CDKL3: variants seen among roughly 807,000 people sequenced by gnomAD.
CDKL3 encodes the protein cyclin-dependent kinase-like 3.
CDKL3 carries 65 observed loss-of-function variants against 69.3 expected under a neutral mutation model. The observed-to-expected ratio is 0.94, with a 90% CI of 0.77 to 1.15. The LOEUF (loss-of-function observed/expected upper bound fraction) is 1.15. Ranked by LOEUF, CDKL3 falls within the 50% of genes most tolerant of loss-of-function variation. CDKL3 has a pLI of 0.00. For missense variants in CDKL3, 652 were observed against 689.2 expected (o/e 0.95, Z 0.61); for synonymous variants, 202 against 221.6 (o/e 0.91, Z 0.79).
intron 2 of CDKL3, 49 bp downstream of exon 2, chr5:134,366,310 A>G (rs932151103): frequency 2.9e-6 from 4 of 1,363,598 alleles, no homozygotes; most frequent in Middle Eastern, 1.9e-4. Flanking sequence ...TTTTTATTCC[A>G]TAACAATTTT....
intron 4 of CDKL3, among the ~76,000 whole-genome samples, chr5:134,322,482 A>G (rs1378540398): frequency 1.3e-5 from 2 of 152,328 alleles, no homozygotes; most frequent in Middle Eastern, 3.4e-3. Context: ...TAAATTGTAT[A>G]TATTTTTTAT....
downstream of CDKL3, among the ~76,000 whole-genome samples, chr5:134,297,989 A>G (rs1238135897): frequency 1.4e-5 from 2 of 147,586 alleles, no homozygotes; most frequent in African/African-American, 5.0e-5. Flanking sequence ...GCTGGAGTGC[A>G]ATGGCATGAT....
chr5:134,302,646 C>G lies in CDKL3; in HGVS notation c.1663G>C (p.Glu555Gln). 1 of 1,602,820 alleles carries G rather than the reference C, an allele frequency of 6.2e-7. No individual in the cohort carries two copies. Among genetic ancestry groups the G allele is most frequent in the Non-Finnish European group, 8.5e-7 (1 of 1,174,428 alleles). Residue 555 changes from glutamate (E) to glutamine (Q), a missense_variant, in exon 12 of 13, where the codon GAG becomes CAG. Glu to Gln is a conservative substitution (Grantham distance 29, BLOSUM62 2). Coordinates refer to ENST00000265334, the MANE Select transcript of CDKL3 (RefSeq NM_001113575.2). Reference protein sequence around the residue: ...KMLKRESKKTESSKIPTLLNV... With the variant: ...KMLKRESKKTQSSKIPTLLNV... ...AGTAAAGTTGGTATCTTAGATGACT[C>G]TGTTTTCTTTGACTCCCTCTTCAGC...
rs529149818 is a variant in CDKL3 at position 134,337,181 on chromosome 5, C to G, written c.539+13068G>C. Among the ~76,000 whole-genome samples the G allele has an allele frequency of 5.3e-5, 8 of 152,304 alleles. No individual in the cohort carries two copies. The South Asian group carries it at 1.7e-3, about 32-fold the overall frequency. On this transcript the variant is annotated intron_variant, in intron 4 of 12. Coordinates refer to ENST00000265334, the MANE Select transcript of CDKL3 (RefSeq NM_001113575.2). ...CAGGCACGGGAGAGAATCTCCTGGTCTGACAGTTGCAAAGACCATGGGGAA... is the reference window on the plus strand; with the variant it reads ...CAGGCACGGGAGAGAATCTCCTGGTGTGACAGTTGCAAAGACCATGGGGAA...
At chr5:134,353,482 T>G (rs1753795533) in intron 3 of CDKL3, among the ~76,000 whole-genome samples, 1 of 152,054 alleles carries the variant, frequency 6.6e-6, no homozygotes, top group Non-Finnish European at 1.5e-5. Flanking sequence ...GAATTCACAT[T>G]CGTGCTCTCC....
At chr5:134,362,198 G>T (rs566254535) in intron 2 of CDKL3, among the ~76,000 whole-genome samples, 37 of 152,104 alleles carry the variant, frequency 2.4e-4, no homozygotes, top group Admixed American at 4.6e-4. Context: ...TACTCTAACT[G>T]TAATTTATTT....
At chr5:134,302,468 T>C (rs1289180040) in intron 12 of CDKL3, 122 bp downstream of exon 12, 7 of 626,478 alleles carry the variant, frequency 1.1e-5, no homozygotes, top group African/African-American at 7.5e-5. Context: ...GTTTCTTTAG[T>C]TCAAAGATTA....
At chr5:134,304,643 C>A in intron 10 of CDKL3, 76 bp from the exon 11 acceptor site, 1 of 1,181,718 alleles carries the variant, frequency 8.5e-7, no homozygotes, top group East Asian at 2.5e-5. Flanking sequence ...AATTGCTAGC[C>A]ATTTGGATGG....
At chr5:134,312,586 T>C (rs766751778) in intron 6 of CDKL3, among the ~76,000 whole-genome samples, 2 of 152,262 alleles carry the variant, frequency 1.3e-5, no homozygotes, top group Non-Finnish European at 2.9e-5. Context: ...AACATTATTA[T>C]AGGTTAAATG....
chr5:134,332,466 T>C (rs1752111446), intron 4 of CDKL3, among the ~76,000 whole-genome samples: 1 of 152,226 alleles, frequency 6.6e-6, no homozygotes, highest in South Asian at 2.1e-4. Flanking sequence ...GAGTTAATTT[T>C]TGTGTAAGGT....
chr5:134,319,336 A>AG (rs1323678822), intron 6 of CDKL3, 22 bp downstream of exon 6: 14 of 1,402,488 alleles, frequency 1.0e-5, no homozygotes, highest in Admixed American at 2.7e-5. Context: ...TCTCCGGGGG[A>AG]GGAAAAAAAA....
chr5:134,284,633 A>G (rs1764775494), downstream of CDKL3, among the ~76,000 whole-genome samples: 3 of 152,130 alleles, frequency 2.0e-5, no homozygotes, highest in South Asian at 4.1e-4. Context: ...ACCAGGGCGT[A>G]TTTCATCCCT....
chr5:134,371,447 C>A, upstream of CDKL3: 9 of 986,276 alleles, frequency 9.1e-6, no homozygotes, highest in Non-Finnish European at 1.2e-5. Flanking sequence ...CGGAGGGAGA[C>A]GTCATTGCAG....
Position 134,367,132 on chromosome 5 carries a change from A to T in CDKL3, c.-177T>A. 1.6e-5 allele frequency: 16 copies of T among 985,712 alleles called. No individual in the cohort carries two copies. Among genetic ancestry groups the T allele is most frequent in the Non-Finnish European group, 1.9e-5 (16 of 830,188 alleles). 61.1% of individuals were successfully genotyped at this position (985,712 alleles called of 1,614,324 possible). On this transcript the variant is annotated 5_prime_UTR_variant, in exon 1 of 13. Transcript: ENST00000265334. ...TGCTCAGCCCCGCAAGGAACCGGCC[A>T]CTTGCCACCATGGAAACGCCGGCGG...
intron 4 of CDKL3, among the ~76,000 whole-genome samples, chr5:134,322,429 T>A (rs1051437279): frequency 6.6e-6 from 1 of 152,232 alleles, no homozygotes; most frequent in Non-Finnish European, 1.5e-5. Context: ...TGTAAACTTA[T>A]ATGACTTCTT....
At chr5:134,328,222 C>G (rs368578823) in intron 4 of CDKL3, among the ~76,000 whole-genome samples, 1 of 151,944 alleles carries the variant, frequency 6.6e-6, no homozygotes. Flanking sequence ...TTCAAAATAA[C>G]AATTATGAAT....
rs1391233834 is a variant in CDKL3 at position 134,312,376 on chromosome 5, C to T, written c.797G>A (p.Cys266Tyr). ...CCTGTCAGCAGGATCAATTTGTAAA[C>T]AAGCCTAGGAAAGGAAAAAGATTTT... is the stretch of plus-strand genomic sequence containing the variant. ...NGLLADIVHA[C>Y]LQIDPADRIS... The change falls in exon 7 of 13, where the codon TGT becomes TAT. Residue 266 changes from cysteine (C) to tyrosine (Y), a missense_variant. Physicochemically the swap from Cys to Tyr is radical, Grantham distance 194. Coordinates refer to ENST00000265334, the MANE Select transcript of CDKL3 (RefSeq NM_001113575.2). 2.5e-6 allele frequency: 4 copies of T among 1,583,084 alleles called. No individual in the cohort carries two copies. Among genetic ancestry groups the T allele is most frequent in the Non-Finnish European group, 3.4e-6 (4 of 1,164,536 alleles).
upstream of CDKL3, chr5:134,370,988 C>T (rs563077171): frequency 1.8e-5 from 3 of 163,230 alleles, no homozygotes; most frequent in African/African-American, 7.2e-5. Flanking sequence ...CTTAAACCCG[C>T]TTCACAGACC....
At chr5:134,356,092 G>C (rs1030343969) in intron 3 of CDKL3, among the ~76,000 whole-genome samples, 1 of 152,146 alleles carries the variant, frequency 6.6e-6, no homozygotes, top group Non-Finnish European at 1.5e-5. Context: ...CCATAATGTA[G>C]AATCAGTGGG....
Sources: gnomAD v4.1 joint callset for allele counts (sites outside exome capture counted in the v4.1 genomes callset) on GRCh38, gnomAD v4.1.1 for gene constraint, MANE v1.5 for transcripts, NCBI Gene and HGNC (gene_info 2026-07-23, HGNC 2026-07-21) for gene names.